Variants in SGCD observed in about 807,000 individuals in gnomAD.
The protein encoded by SGCD is delta-sarcoglycan.
A neutral mutation model predicts 36.6 loss-of-function variants in SGCD; 18 were observed. That is an observed-to-expected ratio of 0.49 (90% CI 0.34 to 0.73). SGCD has a LOEUF of 0.73. Ranked by LOEUF, SGCD falls within the 30% of genes least tolerant of loss-of-function variation. The probability of loss-of-function intolerance (pLI) is 0.01; values close to 1 mark genes in which losing one functional copy is unlikely to be tolerated. For missense variants in SGCD, 387 were observed against 346.7 expected (o/e 1.12, Z -0.92); for synonymous variants, 133 against 130.6 (o/e 1.02, Z -0.12).
intron 1 of SGCD, among the ~76,000 whole-genome samples, chr5:156,032,982 CAGG>C (rs1759388076): frequency 2.0e-5 from 3 of 151,762 alleles, no homozygotes; most frequent in Admixed American, 2.0e-4. Context: ...GAGGCTGAGG[CAGG>C]AAGATCGTTT....
the SGCD span, among the ~76,000 whole-genome samples, chr5:155,819,584 TCA>T: frequency 1.2e-4 from 18 of 152,328 alleles, no homozygotes; most frequent in Middle Eastern, 6.8e-3. Context: ...TATAATCACT[TCA>T]CAGATGAGAA....
At chr5:156,375,492 A>G (rs1344747798) in intron 3 of SGCD, among the ~76,000 whole-genome samples, 1 of 151,768 alleles carries the variant, frequency 6.6e-6, no homozygotes, top group African/African-American at 2.4e-5. Flanking sequence ...ACAGTGGGAA[A>G]ATGTGAGAGT....
intron 4 of SGCD, among the ~76,000 whole-genome samples, chr5:156,567,424 AGATAGATG>A (rs549896123): frequency 0.12 from 15,393 of 124,746 alleles, 937 homozygotes; most frequent in Non-Finnish European, 0.17. Flanking sequence ...ATAGATAGAT[AGATAGATG>A]GTAGCTCATG....
intron 3 of SGCD, among the ~76,000 whole-genome samples, chr5:156,173,731 C>G (rs1561549806): frequency 6.6e-6 from 1 of 151,830 alleles, no homozygotes; most frequent in Non-Finnish European, 1.5e-5. Context: ...TGTTAAATAT[C>G]TAAATATGTT....
At chr5:156,359,688 G>A (rs1051363238) in intron 3 of SGCD, among the ~76,000 whole-genome samples, 5 of 152,122 alleles carry the variant, frequency 3.3e-5, no homozygotes, top group African/African-American at 1.2e-4. Flanking sequence ...CAACAGCAGG[G>A]CACATGAAGA....
intron 7 of SGCD, among the ~76,000 whole-genome samples, chr5:156,713,444 A>G: frequency 6.6e-6 from 1 of 151,878 alleles, no homozygotes; most frequent in South Asian, 2.1e-4. Flanking sequence ...AGAGGAGGAA[A>G]GGCCTGGGAG....
intron 1 of SGCD, among the ~76,000 whole-genome samples, chr5:155,909,643 G>C (rs1756590994): frequency 6.6e-6 from 1 of 152,250 alleles, no homozygotes; most frequent in South Asian, 2.1e-4. Flanking sequence ...CCAAGGGCAT[G>C]GAAAGAGCTT....
intron 2 of SGCD, among the ~76,000 whole-genome samples, chr5:156,340,899 C>G (rs146421267): frequency 7.8e-4 from 119 of 152,308 alleles, no homozygotes; most frequent in African/African-American, 2.6e-3. Flanking sequence ...CTAAATTTCC[C>G]TTTCCATGCA....
At chr5:155,733,921 C>A in the SGCD span, among the ~76,000 whole-genome samples, 3 of 151,888 alleles carry the variant, frequency 2.0e-5, no homozygotes, top group Non-Finnish European at 4.4e-5. Context: ...TGGTGTCCTG[C>A]GCACCTGTCA....
At chr5:155,942,410 A>G (rs973280847) in intron 1 of SGCD, among the ~76,000 whole-genome samples, 1 of 151,744 alleles carries the variant, frequency 6.6e-6, no homozygotes, top group Non-Finnish European at 1.5e-5. Context: ...AAAACCCTCA[A>G]TCTTTCTGGC....
chr5:156,165,681 A>G (rs917117832), intron 3 of SGCD, among the ~76,000 whole-genome samples: 4 of 152,196 alleles, frequency 2.6e-5, no homozygotes, highest in African/African-American at 7.2e-5. Flanking sequence ...TTTTGCATAC[A>G]AGGTTTAGAA....
chr5:156,255,162 C>T (rs1765684684), intron 3 of SGCD, among the ~76,000 whole-genome samples: 1 of 152,080 alleles, frequency 6.6e-6, no homozygotes, highest in African/African-American at 2.4e-5. Context: ...TATATATATG[C>T]AAATATTCTG....
At chr5:156,440,754 A>G (rs1753452522) in intron 3 of SGCD, among the ~76,000 whole-genome samples, 1 of 152,072 alleles carries the variant, frequency 6.6e-6, no homozygotes, top group South Asian at 2.1e-4. Context: ...CATGTGATAT[A>G]CCTCCTTCAG....
At chr5:155,996,778 CAAA>C (rs777241846) in intron 1 of SGCD, among the ~76,000 whole-genome samples, 2 of 61,484 alleles carry the variant, frequency 3.3e-5, no homozygotes, top group Non-Finnish European at 3.5e-5. Context: ...GACTCTGTTT[CAAA>C]AAAAAAAAAA....
intron 3 of SGCD, among the ~76,000 whole-genome samples, chr5:156,217,608 A>G (rs1276603554): frequency 6.6e-6 from 1 of 152,108 alleles, no homozygotes; most frequent in Non-Finnish European, 1.5e-5. Flanking sequence ...TCTCTCTTTT[A>G]GTTTAGGTAA....
chr5:156,132,496 T>C (rs1181062417), intron 3 of SGCD, among the ~76,000 whole-genome samples: 3 of 120,360 alleles, frequency 2.5e-5, no homozygotes, highest in Non-Finnish European at 5.0e-5. Context: ...TGAGACGGAG[T>C]CTCACTCTTT....
At chr5:155,774,837 T>C in the SGCD span, among the ~76,000 whole-genome samples, 1 of 152,064 alleles carries the variant, frequency 6.6e-6, no homozygotes, top group African/African-American at 2.4e-5. Context: ...AGGGATTAGG[T>C]CAAGGACATT....
chr5:156,210,314 T>C (rs146002174), intron 3 of SGCD, among the ~76,000 whole-genome samples: 1 of 152,308 alleles, frequency 6.6e-6, no homozygotes, highest in African/African-American at 2.4e-5. Flanking sequence ...TGAAGGACTT[T>C]TCTGGATAAA....
chr5:156,491,604 G>T (rs1421937825), intron 3 of SGCD, among the ~76,000 whole-genome samples: 3 of 152,072 alleles, frequency 2.0e-5, no homozygotes, highest in Non-Finnish European at 4.4e-5. Context: ...ATGTATCAAT[G>T]AAAATTTTTT....
Sources: gnomAD v4.1 joint callset for allele counts (sites outside exome capture counted in the v4.1 genomes callset) on GRCh38, gnomAD v4.1.1 for gene constraint, MANE v1.5 for transcripts, NCBI Gene and HGNC (gene_info 2026-07-23, HGNC 2026-07-21) for gene names.